The following SYT16 variants were observed in gnomAD, a reference collection of about 807,000 sequenced individuals.
SYT16 encodes synaptotagmin 16.
Under a neutral mutation model 61.4 loss-of-function variants are expected in SYT16, and 42 were observed. The ratio of observed to expected loss-of-function variants is 0.68; its 90% CI spans 0.53 to 0.89. The LOEUF (loss-of-function observed/expected upper bound fraction) is 0.89, where lower values mean the gene tolerates loss of function less well. SYT16 is among the 40% of genes least tolerant of loss of function. The pLI is 0.00. For missense variants in SYT16, 804 were observed against 807.3 expected, an observed-to-expected ratio of 1.00 and a Z score of 0.05; for synonymous variants, 314 against 302.3, an observed-to-expected ratio of 1.04 and a Z score of -0.40.
intron 1 of SYT16, among the ~76,000 whole-genome samples, chr14:61,930,284 G>T (rs1290919725): frequency 6.6e-6 from 1 of 151,986 alleles, no homozygotes; most frequent in African/African-American, 2.4e-5. Context: ...CCTGTTCACA[G>T]AGCCGTGTGT....
intron 3 of SYT16, among the ~76,000 whole-genome samples, chr14:62,061,519 AAC>A (rs1297069960): frequency 3.3e-5 from 5 of 152,170 alleles, no homozygotes; most frequent in African/African-American, 1.2e-4. Context: ...ATTAAATATA[AAC>A]ACAGACGGGT....
chr14:61,941,441 T>A (rs1226448333), intron 1 of SYT16, among the ~76,000 whole-genome samples: 1 of 152,216 alleles, frequency 6.6e-6, no homozygotes, highest in African/African-American at 2.4e-5. Context: ...TTTTTCTAAA[T>A]CTTCATTCGT....
intron 2 of SYT16, among the ~76,000 whole-genome samples, chr14:61,976,735 C>T (rs1463645692): frequency 6.6e-6 from 1 of 152,124 alleles, no homozygotes; most frequent in Non-Finnish European, 1.5e-5. Flanking sequence ...GACTCTGAGC[C>T]TGTGATGGGA....
chr14:61,832,245 C>A (rs1415802729), intron 1 of SYT16: 1 of 611,996 alleles, frequency 1.6e-6, no homozygotes, highest in Non-Finnish European at 3.2e-6. Flanking sequence ...GGGATAGTCA[C>A]GTCGATCCAC....
At chr14:61,891,240 G>GTGCA (rs1435891098) in intron 1 of SYT16, among the ~76,000 whole-genome samples, 253 of 85,800 alleles carry the variant, frequency 2.9e-3, no homozygotes, top group African/African-American at 0.015. Context: ...ATACACACAC[G>GTGCA]CGCACACACA....
intron 1 of SYT16, among the ~76,000 whole-genome samples, chr14:61,920,459 TGAA>T (rs2049288524): frequency 6.6e-6 from 1 of 152,160 alleles, no homozygotes; most frequent in Non-Finnish European, 1.5e-5. Flanking sequence ...CGGTGTGTGA[TGAA>T]GAACTTGGTT....
intron 3 of SYT16, among the ~76,000 whole-genome samples, chr14:62,001,166 T>C (rs2052999369): frequency 6.6e-6 from 1 of 152,118 alleles, no homozygotes; most frequent in Non-Finnish European, 1.5e-5. Flanking sequence ...ACTTATGAAT[T>C]ATCTCAACTT....
At chr14:62,084,622 A>G (rs892957925) in intron 7 of SYT16, among the ~76,000 whole-genome samples, 2 of 152,200 alleles carry the variant, frequency 1.3e-5, no homozygotes, top group African/African-American at 4.8e-5. Flanking sequence ...TATATTGTTT[A>G]AAGGAAAAGA....
At chr14:61,950,566 A>T (rs922702403) in intron 1 of SYT16, among the ~76,000 whole-genome samples, 1 of 152,102 alleles carries the variant, frequency 6.6e-6, no homozygotes, top group Non-Finnish European at 1.5e-5. Flanking sequence ...GTGGGTGGAA[A>T]TTTTCTAATG....
chr14:61,971,982 T>C (rs2051581315), intron 2 of SYT16, among the ~76,000 whole-genome samples: 1 of 152,198 alleles, frequency 6.6e-6, no homozygotes, highest in Non-Finnish European at 1.5e-5. Flanking sequence ...CATGATTCTA[T>C]TTCTCTCCCT....
At chr14:61,979,473 C>A (rs1595069953) in intron 2 of SYT16, among the ~76,000 whole-genome samples, 1 of 152,184 alleles carries the variant, frequency 6.6e-6, no homozygotes, top group Non-Finnish European at 1.5e-5. Flanking sequence ...ACCTGCAGGT[C>A]TGTGCAGTGG....
At chr14:61,977,216 A>G (rs2051848542) in intron 2 of SYT16, among the ~76,000 whole-genome samples, 1 of 152,042 alleles carries the variant, frequency 6.6e-6, no homozygotes, top group Admixed American at 6.5e-5. Context: ...AAACCCTCCA[A>G]ACTGTTCCAA....
At chr14:62,074,187 T>C (rs1370375229) in intron 4 of SYT16, among the ~76,000 whole-genome samples, 1 of 152,150 alleles carries the variant, frequency 6.6e-6, no homozygotes, top group Non-Finnish European at 1.5e-5. Flanking sequence ...CCTGACCATC[T>C]GAGGACACTC....
intron 1 of SYT16, among the ~76,000 whole-genome samples, chr14:61,863,868 T>A (rs2047043557): frequency 6.6e-6 from 1 of 152,226 alleles, no homozygotes; most frequent in African/African-American, 2.4e-5. Flanking sequence ...GTGGAAAAGA[T>A]TATCTTTGCT....
intron 3 of SYT16, among the ~76,000 whole-genome samples, chr14:62,011,092 C>G (rs1212566136): frequency 3.9e-5 from 6 of 152,150 alleles, no homozygotes; most frequent in Non-Finnish European, 7.3e-5. Context: ...TCCCAGAAAC[C>G]ATGCTATTTA....
intron 3 of SYT16, among the ~76,000 whole-genome samples, chr14:62,052,730 T>G (rs750507449): frequency 2.6e-5 from 4 of 152,200 alleles, no homozygotes; most frequent in Non-Finnish European, 5.9e-5. Flanking sequence ...GATTAGTGCC[T>G]TCATAAGAAA....
At chr14:62,037,488 A>G (rs1446760906) in intron 3 of SYT16, among the ~76,000 whole-genome samples, 1 of 152,182 alleles carries the variant, frequency 6.6e-6, no homozygotes, top group Non-Finnish European at 1.5e-5. Context: ...CAGGTGCACA[A>G]ACCTTTATCT....
intron 1 of SYT16, among the ~76,000 whole-genome samples, chr14:61,905,724 A>C (rs111327952): frequency 6.8e-6 from 1 of 147,878 alleles, no homozygotes; most frequent in African/African-American, 2.5e-5. Context: ...GATCCCCTCC[A>C]CTTCTATTTT....
chr14:61,911,503 A>T (rs1387535083), intron 1 of SYT16, among the ~76,000 whole-genome samples: 1 of 152,200 alleles, frequency 6.6e-6, no homozygotes, highest in Non-Finnish European at 1.5e-5. Context: ...TGAAAAATGT[A>T]CAAAAGAAGA....
Sources: gnomAD v4.1 joint callset for allele counts (sites outside exome capture counted in the v4.1 genomes callset) on GRCh38, gnomAD v4.1.1 for gene constraint, MANE v1.5 for transcripts, NCBI Gene and HGNC (gene_info 2026-07-23, HGNC 2026-07-21) for gene names.